The following MYH11 variants were observed in gnomAD, a reference collection of about 807,000 sequenced individuals.
The protein encoded by MYH11 is myosin heavy chain 11, also known as myosin-11.
MYH11 carries 80 observed loss-of-function variants against 246.6 expected under a neutral mutation model. The observed-to-expected ratio is 0.32, with a 90% CI of 0.27 to 0.39. The LOEUF is 0.39. Ranked by LOEUF, MYH11 falls within the 10% of genes least tolerant of loss-of-function variation. MYH11 has a pLI of 1.00. For synonymous variants in MYH11, 1,071 were observed against 1,015.5 expected (o/e 1.05, Z -1.04); for missense variants, 2,158 against 2,546.8 (o/e 0.85, Z 3.29).
intron 2 of MYH11, among the ~76,000 whole-genome samples, chr16:15,827,919 G>C (rs1374660879): frequency 2.6e-5 from 4 of 152,140 alleles, no homozygotes; most frequent in African/African-American, 9.7e-5. Flanking sequence ...CTGAACAAAG[G>C]TCAATCAAGC....
intron 9 of MYH11, among the ~76,000 whole-genome samples, chr16:15,768,234 A>C (rs1445609391): frequency 6.6e-6 from 1 of 152,170 alleles, no homozygotes; most frequent in Non-Finnish European, 1.5e-5. Context: ...AACATCAGAC[A>C]TGTGTACCAC....
intron 3 of MYH11, among the ~76,000 whole-genome samples, chr16:15,813,213 C>T (rs1038972778): frequency 2.6e-5 from 4 of 151,612 alleles, no homozygotes; most frequent in Non-Finnish European, 5.9e-5. Context: ...ATTAGCTGAG[C>T]ATGGTGGTAC....
chr16:15,811,164 C>T lies in MYH11; in HGVS notation c.502+12091G>A, dbSNP rs115013460. ...GACACAGCGAGAAGGCAGCACTAGG[C>T]CCTCACCAGATACCAAGCTTGATCT... On this transcript the variant is annotated intron_variant, in intron 3 of 40. Transcript: ENST00000300036. 9.8e-3 allele frequency among the ~76,000 whole-genome samples: 1,490 copies of T among 152,254 alleles called. 29 individuals are homozygous for T. Among genetic ancestry groups the T allele is most frequent in the African/African-American group, 0.034 (1,422 of 41,540 alleles).
chr16:15,718,396 G>A lies in MYH11; in HGVS notation c.5214C>T (p.Ile1738=), dbSNP rs1439627120. The stretch of plus-strand genomic sequence containing the variant: ...CCTCCAGCTCCTCCTCCAGCTGGGC[G>A]ATCCGGGCCTCCAGGCGGCGCTTCT... ...QDEKRRLEAR[I]AQLEEELEEE... is the part of the protein sequence containing the mutation. Residue 1738 remains isoleucine (I), a synonymous_variant, in exon 37 of 41, where the codon ATC becomes ATT. Transcript: ENST00000300036. The A allele has an allele frequency of 1.6e-5, 25 of 1,598,850 alleles. No homozygotes were observed. The highest frequency in any genetic ancestry group is 2.7e-5 in the African/African-American group (2 of 74,818).
chr16:15,742,295 A>G, intron 20 of MYH11: 2 of 266,166 alleles, frequency 7.5e-6, no homozygotes, highest in East Asian at 1.7e-4. Context: ...CCAAGGACAA[A>G]AGGGAGAAAA....
At chr16:15,842,237 G>A (rs776218124) in intron 1 of MYH11, among the ~76,000 whole-genome samples, 17 of 152,014 alleles carry the variant, frequency 1.1e-4, no homozygotes, top group Non-Finnish European at 1.8e-4. Flanking sequence ...AATACGAAAA[G>A]TTGCTGGGCG....
At chr16:15,763,759 C>CCCCCCACCA in intron 10 of MYH11, 37 bp downstream of exon 10, 1 of 1,151,256 alleles carries the variant, frequency 8.7e-7, no homozygotes, top group Non-Finnish European at 1.3e-6. Context: ...CCCCCCAACC[C>CCCCCCACCA]CAAAGTCATT....
intron 2 of MYH11, among the ~76,000 whole-genome samples, chr16:15,830,744 G>T (rs941410999): frequency 6.6e-6 from 1 of 151,210 alleles, no homozygotes; most frequent in Non-Finnish European, 1.5e-5. Context: ...TGGGTGTGGT[G>T]ATGCACACCT....
chr16:15,806,260 G>T (rs2043009192), intron 3 of MYH11, among the ~76,000 whole-genome samples: 1 of 121,860 alleles, frequency 8.2e-6, no homozygotes, highest in African/African-American at 3.0e-5. Context: ...CCGGGCGAGT[G>T]CAGTGAGACA....
chr16:15,843,568 G>A (rs533099975), intron 1 of MYH11, among the ~76,000 whole-genome samples: 5 of 150,082 alleles, frequency 3.3e-5, no homozygotes, highest in South Asian at 2.1e-4. Context: ...TGGCGGCCGC[G>A]TGTAGTCCCA....
chr16:15,720,132 A>C lies in MYH11; in HGVS notation c.4953+19T>G. The C allele has an allele frequency of 1.9e-6, 3 of 1,614,012 alleles. No individual in the cohort carries two copies. Among genetic ancestry groups the C allele is most frequent in the Non-Finnish European group, 2.5e-6 (3 of 1,180,010 alleles). On this transcript the variant is annotated intron_variant, in intron 34 of 40. Transcript: ENST00000300036. ...GTGCCCTCCCTCCACCCATGCCCCA[A>C]GCTCCTAGTGTCACCCACCTGCAGT...
intron 10 of MYH11, 55 bp downstream of exon 10, chr16:15,763,741 T>TGGGGCCCCCCCCCCCCCCCCCCC: frequency 1.5e-6 from 1 of 646,862 alleles, no homozygotes; most frequent in Non-Finnish European, 2.9e-6. Context: ...AAATGTCACC[T>TGGGGCCCCCCCCCCCCCCCCCCC]CCCCCACCCC....
At chr16:15,851,628 C>A (rs181685523) in intron 1 of MYH11, among the ~76,000 whole-genome samples, 1 of 152,150 alleles carries the variant, frequency 6.6e-6, no homozygotes, top group Non-Finnish European at 1.5e-5. Flanking sequence ...CACATCCCCC[C>A]ACCTCCCAAG....
intron 9 of MYH11, among the ~76,000 whole-genome samples, chr16:15,767,937 ATT>A (rs761220786): frequency 2.0e-3 from 274 of 135,024 alleles, no homozygotes; most frequent in Non-Finnish European, 2.2e-3. Flanking sequence ...AAAAAAAAAA[ATT>A]TTTTTTTTTT....
At chr16:15,840,688 T>G (rs2044029497) in intron 1 of MYH11, among the ~76,000 whole-genome samples, 1 of 152,042 alleles carries the variant, frequency 6.6e-6, no homozygotes, top group Admixed American at 6.6e-5. Context: ...GTTGTAATCA[T>G]GCCACTGCAC....
chr16:15,753,962 G>GT (rs1406306195), intron 14 of MYH11, among the ~76,000 whole-genome samples: 1 of 151,822 alleles, frequency 6.6e-6, no homozygotes, highest in East Asian at 1.9e-4. Context: ...TCCCAGCACT[G>GT]TGGAAGGCCA....
intron 40 of MYH11, among the ~76,000 whole-genome samples, chr16:15,712,344 C>G (rs11862654): frequency 2.0e-4 from 30 of 152,142 alleles, no homozygotes; most frequent in African/African-American, 7.0e-4. Flanking sequence ...TCTCACCTAG[C>G]GCTGGGGAGA....
Position 15,703,820 on chromosome 16 carries a change from T to G in MYH11, c.*171A>C, listed in dbSNP as rs2039308998. ...CCAGGCTGGAGGGTGGTGGTTTTTA[T>G]ATTCCTTGTGTGAGGGGTGTCTGTG... On this transcript the variant is annotated 3_prime_UTR_variant, in exon 41 of 41. Transcript: ENST00000300036. 4.5e-6 allele frequency: 4 copies of G among 894,792 alleles called. No individual in the cohort carries two copies. Among genetic ancestry groups the G allele is most frequent in the Non-Finnish European group, 7.2e-6 (4 of 559,040 alleles). 55.4% of individuals were successfully genotyped at this position (894,792 alleles called of 1,614,324 possible).
intron 37 of MYH11, chr16:15,717,833 A>C (rs2040245865): frequency 3.8e-6 from 1 of 263,534 alleles, no homozygotes; most frequent in South Asian, 4.7e-5. Context: ...AGTGCCACCC[A>C]GGCTGAGCGA....
Sources: allele counts gnomAD v4.1 joint callset (sites outside exome capture counted in the v4.1 genomes callset), GRCh38; gene constraint gnomAD v4.1.1; transcripts MANE v1.5; gene names NCBI Gene and HGNC (gene_info 2026-07-23, HGNC 2026-07-21).